SENP2: variants seen among roughly 807,000 people sequenced by gnomAD.
SENP2 encodes sentrin-specific protease 2.
SENP2 carries 16 observed loss-of-function variants against 86.3 expected under a neutral mutation model. The ratio of observed to expected loss-of-function variants is 0.19; its 90% confidence interval spans 0.13 to 0.28. The LOEUF is 0.28. Among genes scored for constraint, SENP2 ranks in the 10% least tolerant of loss-of-function variants. SENP2 has a pLI of 1.00. For synonymous variants in SENP2, 222 were observed against 238.7 expected (o/e 0.93, Z 0.64); for missense variants, 552 against 703.0 (o/e 0.79, Z 2.43).
At chr3:185,591,141 G>A (rs1181536299) in intron 2 of SENP2, among the ~76,000 whole-genome samples, 3 of 150,812 alleles carry the variant, frequency 2.0e-5, no homozygotes, top group South Asian at 4.2e-4. Context: ...TCCTGACCTC[G>A]TGATCTGCCC....
At chr3:185,617,386 C>T (rs1296150683) in intron 11 of SENP2, 94 bp from the exon 12 acceptor site, 6 of 966,512 alleles carry the variant, frequency 6.2e-6, no homozygotes, top group Admixed American at 5.4e-5. Context: ...CAGGTGTTGC[C>T]GAGATGAAAA....
At position 185,598,984 on chromosome 3, in the gene SENP2, A is replaced by G. The variant is rs997858593; in HGVS notation, c.318A>G (p.Glu106=). Reference sequence around the variant, plus strand: ...TATTTTCGAACTCTTCATCTTGTGAACTGACAGGTTCTGGATCCTGGAACA... The same window carrying G: ...TATTTTCGAACTCTTCATCTTGTGAGCTGACAGGTTCTGGATCCTGGAACA... ...GEVFSNSSSC[E]LTGSGSWNNM... The change falls in exon 4 of 17, where the codon GAA becomes GAG. Residue 106 remains glutamate (E), a synonymous_variant. Coordinates refer to ENST00000296257, the MANE Select transcript of SENP2 (RefSeq NM_021627.3). 8 of 1,613,226 alleles carry G rather than the reference A, an allele frequency of 5.0e-6. No homozygotes were observed. The highest frequency in any genetic ancestry group is 6.8e-6 in the Non-Finnish European group (8 of 1,179,792).
At chr3:185,597,799 A>T (rs1722224439) in intron 2 of SENP2, among the ~76,000 whole-genome samples, 1 of 150,356 alleles carries the variant, frequency 6.7e-6, no homozygotes, top group Non-Finnish European at 1.5e-5. Flanking sequence ...GATTATAGGG[A>T]TGCGCCACCA....
At chr3:185,600,259 C>T (rs996090893) in intron 4 of SENP2, among the ~76,000 whole-genome samples, 1 of 152,152 alleles carries the variant, frequency 6.6e-6, no homozygotes, top group African/African-American at 2.4e-5. Context: ...TACTGTGTTT[C>T]TGTGAGTTTT....
intron 11 of SENP2, among the ~76,000 whole-genome samples, chr3:185,616,343 C>T (rs1239328463): frequency 6.7e-6 from 1 of 149,384 alleles, no homozygotes; most frequent in East Asian, 2.0e-4. Flanking sequence ...TGGTGGTGTG[C>T]ACCTGTAATT....
At chr3:185,613,470 C>A (rs1722761479) in intron 10 of SENP2, 62 bp downstream of exon 10, 2 of 999,060 alleles carry the variant, frequency 2.0e-6, no homozygotes, top group South Asian at 1.5e-5. Flanking sequence ...GTTTTGGTGC[C>A]CATGAAAAGC....
rs1440424663 is a variant in SENP2 at position 185,598,938 on chromosome 3, T to G, written c.292-20T>G. The G allele has an allele frequency of 6.3e-7, 1 of 1,581,146 alleles. No homozygotes were observed. Among genetic ancestry groups the G allele is most frequent in the Non-Finnish European group, 8.7e-7 (1 of 1,152,652 alleles). On this transcript the variant is annotated intron_variant, in intron 3 of 16. Transcript: ENST00000296257. ...TGACAAAATTTAGATGCTACAGAAG[T>G]GATTCTGTTTGATTTTAAGGTATTT...
At chr3:185,627,029 A>G (rs1285687225) in intron 16 of SENP2, among the ~76,000 whole-genome samples, 3 of 147,376 alleles carry the variant, frequency 2.0e-5, no homozygotes, top group Non-Finnish European at 3.0e-5. Context: ...TGGTGAGCCG[A>G]GATCGTGCCA....
intron 13 of SENP2, among the ~76,000 whole-genome samples, chr3:185,621,061 G>A (rs1711844341): frequency 6.7e-6 from 1 of 149,672 alleles, no homozygotes; most frequent in Admixed American, 6.8e-5. Context: ...GAGAGGCTGA[G>A]GTGGAAGATT....
At chr3:185,614,445 G>T (rs1711525109) in intron 10 of SENP2, 119 bp from the exon 11 acceptor site, 16 of 986,928 alleles carry the variant, frequency 1.6e-5, no homozygotes, top group Non-Finnish European at 2.4e-5. Context: ...ACTCACTTGG[G>T]GGATTTGCTA....
chr3:185,596,877 G>A (rs543970090), intron 2 of SENP2, among the ~76,000 whole-genome samples: 5 of 151,982 alleles, frequency 3.3e-5, no homozygotes, highest in Non-Finnish European at 5.9e-5. Flanking sequence ...TTTGTGAGAC[G>A]GAGTCTCATT....
At chr3:185,604,307 C>T (rs978774787) in intron 5 of SENP2, among the ~76,000 whole-genome samples, 5 of 152,060 alleles carry the variant, frequency 3.3e-5, no homozygotes, top group Non-Finnish European at 5.9e-5. Flanking sequence ...TGTATGATTT[C>T]GTTTCTTTTA....
chr3:185,629,330 A>C (rs112824329), intron 16 of SENP2, among the ~76,000 whole-genome samples: 72 of 152,234 alleles, frequency 4.7e-4, no homozygotes, highest in Middle Eastern at 3.4e-3. Flanking sequence ...TAATCTCAGC[A>C]CTTTGGGATG....
Position 185,612,608 on chromosome 3 carries a change from T to C in SENP2, c.819T>C (p.Tyr273=). The C allele has an allele frequency of 6.2e-7, 1 of 1,604,284 alleles. No individual in the cohort carries two copies. The highest frequency in any genetic ancestry group is 8.5e-7 in the Non-Finnish European group (1 of 1,171,360). Residue 273 remains tyrosine (Y), a splice_region_variant and synonymous_variant, in exon 9 of 17, where the codon TAT becomes TAC. Coordinates refer to ENST00000296257, the MANE Select transcript of SENP2 (RefSeq NM_021627.3). The part of the protein sequence containing the change: ...VKTTQFVPKQ[Y]RLVETRGPLC... ...ATCTTTTCTTTACCATCCTCACAGA[T>C]AGACTTGTTGAAACAAGGGGACCTC...
At chr3:185,618,604 C>T (rs4568175) in intron 12 of SENP2, among the ~76,000 whole-genome samples, 40,899 of 152,012 alleles carry the variant, frequency 0.27, 5,709 homozygotes, top group African/African-American at 0.32. Context: ...CTCGGCCGGG[C>T]GCGGTGGCTC....
chr3:185,622,104 G>A (rs1265826513), intron 14 of SENP2, among the ~76,000 whole-genome samples, 199 bp downstream of exon 14: 1 of 152,180 alleles, frequency 6.6e-6, no homozygotes, highest in Non-Finnish European at 1.5e-5. Context: ...AGTTTGTCAT[G>A]TATTATGATG....
intron 1 of SENP2, among the ~76,000 whole-genome samples, chr3:185,589,398 T>G (rs1436119220): frequency 1.3e-5 from 2 of 152,172 alleles, no homozygotes; most frequent in East Asian, 3.9e-4. Context: ...ATGGCTTTCT[T>G]TGGGGATCAT....
At chr3:185,624,803 G>T (rs1043776349) in intron 15 of SENP2, among the ~76,000 whole-genome samples, 9 of 151,594 alleles carry the variant, frequency 5.9e-5, no homozygotes, top group Non-Finnish European at 1.2e-4. Context: ...GGTAGGCAGA[G>T]GTTGCAGTGA....
Position 185,619,337 on chromosome 3 carries a change from T to G in SENP2, c.1281T>G (p.Asn427Lys). The change falls in exon 13 of 17, where the codon AAT (asparagine) becomes AAG (lysine). Residue 427 changes from asparagine to lysine, a missense_variant. This residue lies in a region of SENP2 where 169 missense variants were observed against 275.7 expected (regional missense o/e 0.61). Coordinates refer to ENST00000296257, the MANE Select transcript of SENP2 (RefSeq NM_021627.3). ...ACATGAATCTTCTGGTGGAAAGAAA[T>G]AAAAAGCAAGGCTATCCAGCACTTC... Reference protein sequence around the residue: ...NFYMNLLVERNKKQGYPALHV... With the variant: ...NFYMNLLVERKKKQGYPALHV... 6.2e-7 allele frequency: 1 copy of G among 1,614,044 alleles called. No individual in the cohort carries two copies. Among genetic ancestry groups the G allele is most frequent in the Non-Finnish European group, 8.5e-7 (1 of 1,179,894 alleles).
Sources: allele counts gnomAD v4.1 joint callset (sites outside exome capture counted in the v4.1 genomes callset), GRCh38; gene constraint gnomAD v4.1.1; regional missense constraint gnomAD v4.1.1; transcripts MANE v1.5; gene names NCBI Gene and HGNC (gene_info 2026-07-23, HGNC 2026-07-21).